PMFBP1: variants seen among roughly 807,000 people sequenced by gnomAD.
The protein encoded by PMFBP1 is polyamine-modulated factor 1-binding protein 1.
PMFBP1 carries 131 observed loss-of-function variants against 137.8 expected under a neutral mutation model. That is an observed-to-expected ratio of 0.95 (90% CI 0.82 to 1.10). The LOEUF is 1.10. Ranked by LOEUF, PMFBP1 falls within the 50% of genes least tolerant of loss-of-function variation. The pLI is 0.00. For missense variants in PMFBP1, 1,199 were observed against 1,175.4 expected, an observed-to-expected ratio of 1.02 and a Z score of -0.29; for synonymous variants, 490 against 450.4, an observed-to-expected ratio of 1.09 and a Z score of -1.11.
At chr16:72,222,722 G>A in the PMFBP1 span, among the ~76,000 whole-genome samples, 1 of 152,150 alleles carries the variant, frequency 6.6e-6, no homozygotes, top group African/African-American at 2.4e-5. Flanking sequence ...GTAAAATGGG[G>A]ATAGTATTAG....
At chr16:72,212,030 T>C in the PMFBP1 span, among the ~76,000 whole-genome samples, 5 of 150,424 alleles carry the variant, frequency 3.3e-5, no homozygotes, top group Middle Eastern at 3.4e-3. Context: ...AAAAAAAAAG[T>C]GGTAAAATAG....
the PMFBP1 span, among the ~76,000 whole-genome samples, chr16:72,202,479 T>C: frequency 6.6e-6 from 1 of 152,210 alleles, no homozygotes; most frequent in South Asian, 2.1e-4. Flanking sequence ...AGCCTGGCCC[T>C]GACGTTTTTC....
At chr16:72,134,001 C>T (rs1207877606) in intron 9 of PMFBP1, among the ~76,000 whole-genome samples, 1 of 152,140 alleles carries the variant, frequency 6.6e-6, no homozygotes, top group Non-Finnish European at 1.5e-5. Flanking sequence ...CCTGTAATCC[C>T]AACTACTTGG....
the PMFBP1 span, among the ~76,000 whole-genome samples, chr16:72,218,012 T>C: frequency 6.6e-6 from 1 of 152,224 alleles, no homozygotes; most frequent in African/African-American, 2.4e-5. Context: ...TAGCTACTGC[T>C]ATACAGTATT....
At chr16:72,213,131 C>T in the PMFBP1 span, among the ~76,000 whole-genome samples, 12 of 146,046 alleles carry the variant, frequency 8.2e-5, no homozygotes, top group Non-Finnish European at 1.8e-4. Context: ...AAACAGACAT[C>T]AACTTAAGAA....
At chr16:72,149,607 G>A (rs1041227979) in intron 5 of PMFBP1, among the ~76,000 whole-genome samples, 34 of 152,238 alleles carry the variant, frequency 2.2e-4, no homozygotes, top group African/African-American at 6.5e-4. Flanking sequence ...TGGATCACAC[G>A]AGGTCAGGCA....
intron 5 of PMFBP1, among the ~76,000 whole-genome samples, chr16:72,147,763 T>C (rs1312385454): frequency 2.0e-5 from 3 of 151,966 alleles, no homozygotes; most frequent in Admixed American, 6.6e-5. Context: ...AAGAAAGATA[T>C]GAAAAAAAGC....
chr16:72,186,985 C>A, the PMFBP1 span, among the ~76,000 whole-genome samples: 1 of 151,504 alleles, frequency 6.6e-6, no homozygotes, highest in Admixed American at 6.6e-5. Flanking sequence ...TGGTGGTGTG[C>A]GCCTGTAATC....
chr16:72,148,740 A>C (rs1346267145), intron 5 of PMFBP1, among the ~76,000 whole-genome samples: 1 of 152,200 alleles, frequency 6.6e-6, no homozygotes, highest in Non-Finnish European at 1.5e-5. Context: ...AATCCATATG[A>C]CCAATATGCT....
chr16:72,151,257 C>T (rs2042898856), intron 4 of PMFBP1, among the ~76,000 whole-genome samples: 1 of 152,130 alleles, frequency 6.6e-6, no homozygotes. Context: ...CAGGAAAGTT[C>T]CCAAGAGATA....
chr16:72,229,678 C>T, the PMFBP1 span, among the ~76,000 whole-genome samples: 1 of 151,994 alleles, frequency 6.6e-6, no homozygotes. Flanking sequence ...CTGCTCATGT[C>T]CTCTGTCTAG....
At chr16:72,198,203 C>T in the PMFBP1 span, among the ~76,000 whole-genome samples, 22 of 152,208 alleles carry the variant, frequency 1.4e-4, no homozygotes, top group South Asian at 2.1e-4. Context: ...AAGAGCAGAT[C>T]GCACCAAGTC....
At chr16:72,231,972 T>G in the PMFBP1 span, among the ~76,000 whole-genome samples, 1 of 136,744 alleles carries the variant, frequency 7.3e-6, no homozygotes, top group Middle Eastern at 3.5e-3. Context: ...ATTTTGGCTA[T>G]TTGGGTCTTG....
upstream of PMFBP1, among the ~76,000 whole-genome samples, chr16:72,173,076 T>C (rs543848118): frequency 6.6e-6 from 1 of 152,376 alleles, no homozygotes; most frequent in East Asian, 1.9e-4. Context: ...ACCAAGCTTC[T>C]AAACCTGGTT....
chr16:72,136,363 G>A, intron 9 of PMFBP1, 85 bp downstream of exon 9: 2 of 1,481,472 alleles, frequency 1.4e-6, no homozygotes, highest in Non-Finnish European at 1.8e-6. Flanking sequence ...AGCAATAATG[G>A]TGGGTGAAGG....
the PMFBP1 span, among the ~76,000 whole-genome samples, chr16:72,230,730 A>T: frequency 6.6e-6 from 1 of 152,094 alleles, no homozygotes; most frequent in Non-Finnish European, 1.5e-5. Flanking sequence ...CCTAGATATC[A>T]TTCACACCCA....
the PMFBP1 span, among the ~76,000 whole-genome samples, chr16:72,222,337 T>C: frequency 6.6e-6 from 1 of 152,190 alleles, no homozygotes; most frequent in Non-Finnish European, 1.5e-5. Flanking sequence ...AAAGTTCATT[T>C]CAGGTCACTG....
At chr16:72,124,099 C>A (rs71386949) in intron 17 of PMFBP1, among the ~76,000 whole-genome samples, 2 of 151,882 alleles carry the variant, frequency 1.3e-5, no homozygotes, top group Non-Finnish European at 1.5e-5. Context: ...AGCTTAACCT[C>A]CCCCCCGGCT....
intron 3 of PMFBP1, among the ~76,000 whole-genome samples, chr16:72,154,886 T>C (rs150812829): frequency 6.6e-6 from 1 of 152,242 alleles, no homozygotes; most frequent in Non-Finnish European, 1.5e-5. Flanking sequence ...AGCATTGCAA[T>C]GAGTCAAGGG....
Sources: allele counts gnomAD v4.1 joint callset (sites outside exome capture counted in the v4.1 genomes callset), GRCh38; gene constraint gnomAD v4.1.1; transcripts MANE v1.5; gene names NCBI Gene and HGNC (gene_info 2026-07-23, HGNC 2026-07-21).